The following OR10R2 variants were observed in gnomAD, a reference collection of about 807,000 sequenced individuals.
OR10R2 encodes olfactory receptor family 10 subfamily R member 2, also known as olfactory receptor 10R2.
In OR10R2, 1 loss-of-function variant was observed where a neutral mutation model predicts 2.4. That is an observed-to-expected ratio of 0.41 (90% CI 0.15 to 1.95). The LOEUF is 1.95. Ranked by LOEUF, OR10R2 falls within the 30% of genes most tolerant of loss-of-function variation. OR10R2 has a pLI of 0.30. For missense variants in OR10R2, 419 were observed against 373.0 expected (o/e 1.12, Z -1.01); for synonymous variants, 166 against 144.8 (o/e 1.15, Z -1.05).
At chr1:158,478,503 TTAAC>T (rs1656315828) in intron 1 of OR10R2, among the ~76,000 whole-genome samples, 2 of 152,160 alleles carry the variant, frequency 1.3e-5, no homozygotes, top group African/African-American at 4.8e-5. Flanking sequence ...TAAGATTTAA[TTAAC>T]TGTTACTAGA....
At chr1:158,478,435 C>T (rs1656312551) in intron 1 of OR10R2, among the ~76,000 whole-genome samples, 1 of 152,054 alleles carries the variant, frequency 6.6e-6, no homozygotes, top group South Asian at 2.1e-4. Context: ...TTCATATAAG[C>T]TAATTTTATT....
At chr1:158,476,647 T>C (rs950621659) in intron 1 of OR10R2, among the ~76,000 whole-genome samples, 12 of 152,212 alleles carry the variant, frequency 7.9e-5, no homozygotes, top group Non-Finnish European at 1.5e-4. Flanking sequence ...ATGTGTAAGA[T>C]ACGTTTTAGT....
At position 158,472,386 on chromosome 1, in the gene OR10R2, A is replaced by C. The variant is rs57645668; in HGVS notation, c.27+34A>C. ...TTTGTTGCTGTCTTGAAAAATTTTAAGAGACTAGCAGGAAGATGTGTAATA... is the reference window on the plus strand; with the variant it reads ...TTTGTTGCTGTCTTGAAAAATTTTACGAGACTAGCAGGAAGATGTGTAATA... On this transcript the variant is annotated intron_variant, in intron 1 of 1. Coordinates refer to ENST00000641067, the Ensembl canonical transcript of OR10R2. 4.2e-3 allele frequency: 1,685 copies of C among 399,018 alleles called. 21 individuals are homozygous for C. Among genetic ancestry groups the C allele is most frequent in the African/African-American group, 0.032 (1,560 of 48,746 alleles). 24.7% of individuals were successfully genotyped at this position (399,018 alleles called of 1,614,324 possible). A position where few individuals can be genotyped will look rare whatever the true frequency, so the allele number is the denominator to read the frequency against.
At chr1:158,480,448 G>A (rs3820678) in exon 2 of OR10R2, 339,346 of 1,613,064 alleles carry the variant, frequency 0.21, 36,788 homozygotes, top group Non-Finnish European at 0.22. Flanking sequence ...TTTTTGTAGC[G>A]CCAACAAAGT....
chr1:158,473,818 CTT>C, intron 1 of OR10R2, among the ~76,000 whole-genome samples: 1 of 141,872 alleles, frequency 7.0e-6, no homozygotes, highest in African/African-American at 2.9e-5. Flanking sequence ...TTCCTCCCTC[CTT>C]CCCTCTTTCC....
intron 1 of OR10R2, among the ~76,000 whole-genome samples, chr1:158,476,547 CA>C (rs11291030): frequency 0.48 from 51,899 of 108,980 alleles, 9,236 homozygotes; most frequent in Middle Eastern, 0.59. Context: ...GACTCCATCT[CA>C]AAAAAAAAAA....
At chr1:158,480,515 A>T (rs778519593) in exon 2 of OR10R2, 2 of 1,613,384 alleles carry the variant, frequency 1.2e-6, no homozygotes, top group African/African-American at 2.7e-5. Flanking sequence ...ACCAACACAG[A>T]TGTTAACGAA....
chr1:158,477,959 CAT>C (rs1193266920), intron 1 of OR10R2, among the ~76,000 whole-genome samples: 2 of 152,050 alleles, frequency 1.3e-5, no homozygotes, highest in African/African-American at 4.8e-5. Flanking sequence ...AATACAGACA[CAT>C]AGACCAAAGG....
chr1:158,473,823 CTCTT>C (rs1656212389), intron 1 of OR10R2, among the ~76,000 whole-genome samples: 1 of 140,010 alleles, frequency 7.1e-6, no homozygotes, highest in Non-Finnish European at 1.5e-5. Flanking sequence ...CCCTCCTTCC[CTCTT>C]TCCCTCTCTG....
intron 1 of OR10R2, among the ~76,000 whole-genome samples, chr1:158,476,258 T>TA (rs1656265589): frequency 6.6e-6 from 1 of 151,482 alleles, no homozygotes; most frequent in Non-Finnish European, 1.5e-5. Flanking sequence ...TTAAAAAAAA[T>TA]TTAAGTAGGC....
At chr1:158,473,911 C>T (rs1276889440) in intron 1 of OR10R2, among the ~76,000 whole-genome samples, 1 of 145,590 alleles carries the variant, frequency 6.9e-6, no homozygotes, top group African/African-American at 2.7e-5. Flanking sequence ...CTCTCTGCTT[C>T]CTTCCTTCCC....
chr1:158,472,284 C>T (rs1021229185), exon 1 of OR10R2: 6 of 398,852 alleles, frequency 1.5e-5, no homozygotes, highest in Non-Finnish European at 2.2e-5. Flanking sequence ...TAATTATACT[C>T]ATTAGGCCTG....
At chr1:158,473,536 T>C (rs1338192460) in intron 1 of OR10R2, among the ~76,000 whole-genome samples, 1 of 152,172 alleles carries the variant, frequency 6.6e-6, no homozygotes, top group Non-Finnish European at 1.5e-5. Context: ...ATTTGAAAGA[T>C]TAGAGGATCT....
intron 1 of OR10R2, chr1:158,474,324 A>T (rs1656231153): frequency 6.6e-6 from 1 of 152,240 alleles, no homozygotes; most frequent in Admixed American, 6.5e-5. Context: ...TCCCAAGTCA[A>T]CAGGAGTGGA....
At chr1:158,477,366 T>C (rs547618108) in intron 1 of OR10R2, among the ~76,000 whole-genome samples, 72 of 152,288 alleles carry the variant, frequency 4.7e-4, no homozygotes, top group African/African-American at 1.6e-3. Flanking sequence ...AAACTATTTG[T>C]CTCCATTGTT....
chr1:158,473,748 CCTTT>C (rs1656205887), intron 1 of OR10R2, among the ~76,000 whole-genome samples: 1 of 147,912 alleles, frequency 6.8e-6, no homozygotes, highest in Non-Finnish European at 1.5e-5. Flanking sequence ...CCTTTCCCTC[CCTTT>C]CTTTATCCTT....
At chr1:158,477,856 G>T (rs186121076) in intron 1 of OR10R2, among the ~76,000 whole-genome samples, 314 of 152,064 alleles carry the variant, frequency 2.1e-3, no homozygotes, top group Non-Finnish European at 3.2e-3. Flanking sequence ...TAACCCTAAA[G>T]AAAAAGAACA....
At chr1:158,480,053 T>G (rs1248794662) in exon 2 of OR10R2, 2 of 1,614,110 alleles carry the variant, frequency 1.2e-6, no homozygotes, top group Non-Finnish European at 8.5e-7. Flanking sequence ...CTAGTCATTC[T>G]TAGTGGCAAT....
chr1:158,472,838 G>A (rs1016590351), intron 1 of OR10R2, among the ~76,000 whole-genome samples: 3 of 152,094 alleles, frequency 2.0e-5, no homozygotes, highest in African/African-American at 7.2e-5. Context: ...GGTCAAAAAG[G>A]CTATCCCTGG....
Sources: allele counts gnomAD v4.1 joint callset (sites outside exome capture counted in the v4.1 genomes callset), GRCh38; gene constraint gnomAD v4.1.1; transcripts MANE v1.5; gene names NCBI Gene and HGNC (gene_info 2026-07-23, HGNC 2026-07-21).